The following CMC2 variants were observed in gnomAD, a reference collection of about 807,000 sequenced individuals.
The protein encoded by CMC2 is C-X9-C motif containing 2.
A neutral mutation model predicts 7.5 loss-of-function variants in CMC2; 5 were observed. That is an observed-to-expected ratio of 0.66 (90% CI 0.35 to 1.40). The LOEUF is 1.40. Ranked by LOEUF, CMC2 falls within the 40% of genes most tolerant of loss-of-function variation. CMC2 has a pLI of 0.04. For missense variants in CMC2, 115 were observed against 92.3 expected, an observed-to-expected ratio of 1.25 and a Z score of -1.01; for synonymous variants, 37 against 31.4, an observed-to-expected ratio of 1.18 and a Z score of -0.60.
intron 2 of CMC2, among the ~76,000 whole-genome samples, chr16:80,990,918 T>C (rs915351918): frequency 2.0e-5 from 3 of 151,866 alleles, no homozygotes; most frequent in Admixed American, 6.6e-5. Flanking sequence ...TAGAAACAGG[T>C]GTCTCACTAT....
Position 80,971,656 on chromosome 16 carries a change from G to C in CMC2, c.*4437C>G, listed in dbSNP as rs1911937797. The C allele has an allele frequency of 6.7e-6, 1 of 149,162 alleles. No individual in the cohort carries two copies. Among genetic ancestry groups the C allele is most frequent in the African/African-American group, 2.5e-5 (1 of 39,816 alleles). 9.2% of individuals were successfully genotyped at this position (149,162 alleles called of 1,614,324 possible). A position where few individuals can be genotyped will look rare whatever the true frequency, so the allele number is the denominator to read the frequency against. ...AATGAAATATATCAAAGTCAGGGTA[G>C]TAGTTACCACCAATAAAGAAATAAG... On this transcript the variant is annotated 3_prime_UTR_variant, in exon 4 of 4. Coordinates refer to ENST00000219400, the MANE Select transcript of CMC2 (RefSeq NM_020188.5).
intron 2 of CMC2, among the ~76,000 whole-genome samples, chr16:80,985,353 A>G (rs893528959): frequency 3.3e-5 from 5 of 152,372 alleles, no homozygotes; most frequent in African/African-American, 1.2e-4. Context: ...GATTGAATGT[A>G]GAGGCAGACA....
At chr16:80,997,561 C>G (rs1275775526) in intron 1 of CMC2, 132 bp from the exon 2 acceptor site, 2 of 510,188 alleles carry the variant, frequency 3.9e-6, no homozygotes, top group African/African-American at 3.9e-5. Context: ...TGACCTCAGG[C>G]AAATTATTAA....
chr16:80,978,942 G>A (rs1015958251), intron 3 of CMC2, among the ~76,000 whole-genome samples: 3 of 152,064 alleles, frequency 2.0e-5, no homozygotes, highest in African/African-American at 4.8e-5. Context: ...TTAGCTGGGC[G>A]TGGTGGTGGG....
At chr16:81,001,923 A>G (rs958431108) in intron 1 of CMC2, among the ~76,000 whole-genome samples, 3 of 152,172 alleles carry the variant, frequency 2.0e-5, no homozygotes, top group African/African-American at 7.2e-5. Flanking sequence ...ATTTGAAACG[A>G]AAAAAGAAAA....
rs949127101 is a variant in CMC2 at position 80,972,310 on chromosome 16, A to G, written c.*3783T>C. On this transcript the variant is annotated 3_prime_UTR_variant, in exon 4 of 4. Transcript: ENST00000219400. The stretch of plus-strand genomic sequence containing the variant: ...CACAAATTTCAATATCAGGGTTTCA[A>G]TATCAGGGTGTAGTGAAAGGAGCAA... 2.2e-4 allele frequency: 34 copies of G among 152,310 alleles called. No individual in the cohort carries two copies. Among genetic ancestry groups the G allele is most frequent in the African/African-American group, 7.5e-4 (31 of 41,552 alleles). 9.4% of individuals were successfully genotyped at this position (152,310 alleles called of 1,614,324 possible).
Position 80,975,934 on chromosome 16 carries a change from C to T in CMC2, c.*159G>A. 5.0e-6 allele frequency: 3 copies of T among 599,508 alleles called. No individual in the cohort carries two copies. The highest frequency in any genetic ancestry group is 2.9e-5 in the East Asian group (1 of 34,570). 37.1% of individuals were successfully genotyped at this position (599,508 alleles called of 1,614,324 possible). On this transcript the variant is annotated 3_prime_UTR_variant, in exon 4 of 4. Coordinates refer to ENST00000219400, the MANE Select transcript of CMC2 (RefSeq NM_020188.5). Reference sequence around the variant, plus strand: ...TACTAAACGCCCTGCCCAACAAATACTCAGAATCCAGGGTTTTCATATTTC... The same window carrying T: ...TACTAAACGCCCTGCCCAACAAATATTCAGAATCCAGGGTTTTCATATTTC...
chr16:81,003,894 G>T (rs1020085319), intron 1 of CMC2, among the ~76,000 whole-genome samples: 1 of 152,160 alleles, frequency 6.6e-6, no homozygotes, highest in Non-Finnish European at 1.5e-5. Flanking sequence ...ATTTGCTCTT[G>T]ACCTATATAT....
At chr16:80,977,975 G>C (rs1912629490) in intron 3 of CMC2, among the ~76,000 whole-genome samples, 1 of 151,420 alleles carries the variant, frequency 6.6e-6, no homozygotes, top group Non-Finnish European at 1.5e-5. Context: ...AGGAGGCTGA[G>C]GCAGGAGAAT....
intron 1 of CMC2, among the ~76,000 whole-genome samples, chr16:81,001,570 G>A (rs1010065291): frequency 6.6e-6 from 1 of 152,022 alleles, no homozygotes; most frequent in African/African-American, 2.4e-5. Context: ...CATTATTAAT[G>A]TATCTGATAC....
At chr16:81,002,299 G>A (rs912181048) in intron 1 of CMC2, among the ~76,000 whole-genome samples, 12 of 152,020 alleles carry the variant, frequency 7.9e-5, no homozygotes, top group South Asian at 2.1e-4. Context: ...GTTGGTGGGC[G>A]CCTGTAATCC....
At chr16:80,977,130 A>G (rs1225063509) in intron 3 of CMC2, among the ~76,000 whole-genome samples, 2 of 152,186 alleles carry the variant, frequency 1.3e-5, no homozygotes, top group Admixed American at 1.3e-4. Flanking sequence ...ACATAGCTCA[A>G]CTTCCCAAGG....
chr16:80,976,447 G>A (rs1169183819), intron 3 of CMC2, among the ~76,000 whole-genome samples: 1 of 152,160 alleles, frequency 6.6e-6, no homozygotes, highest in African/African-American at 2.4e-5. Context: ...ATGCACAAAT[G>A]TTTGCTCAAT....
At position 80,981,945 on chromosome 16, in the gene CMC2, T is replaced by G; in HGVS notation, c.82-68A>C. 3 of 902,892 alleles carry G rather than the reference T, an allele frequency of 3.3e-6. No individual in the cohort carries two copies. In the Admixed American group the frequency reaches 6.3e-5, roughly 19 times the overall value. The allele number at this position is 902,892 out of a possible 1,614,324, so 55.9% of individuals were successfully genotyped here. On this transcript the variant is annotated intron_variant, in intron 2 of 3. Coordinates refer to ENST00000219400, the MANE Select transcript of CMC2 (RefSeq NM_020188.5). ...GCCAAGGTTTGGGGCACATAAAATT[T>G]AAATACTGCCACAGACATGAGTTTA...
At position 80,968,761 on chromosome 16, in the gene CMC2, T is replaced by C. The variant is rs1471044880; in HGVS notation, c.*7332A>G. ...TGAGCTCACAAGAAAGGAAAGAAAA[T>C]CCTTGGGGGTTGAAATCAGAGAGAA... On this transcript the variant is annotated 3_prime_UTR_variant, in exon 4 of 4. Transcript: ENST00000219400. 2 of 151,728 alleles carry C rather than the reference T, an allele frequency of 1.3e-5. No individual in the cohort carries two copies. The highest frequency in any genetic ancestry group is 4.8e-5 in the African/African-American group (2 of 41,276). The allele number at this position is 151,728 out of a possible 1,614,324, so 9.4% of individuals were successfully genotyped here. A position where few individuals can be genotyped will look rare whatever the true frequency, so the allele number is the denominator to read the frequency against.
intron 3 of CMC2, among the ~76,000 whole-genome samples, chr16:80,976,837 G>A (rs932025213): frequency 6.6e-6 from 1 of 151,956 alleles, no homozygotes; most frequent in African/African-American, 2.4e-5. Flanking sequence ...TACCTTTTGC[G>A]CTGAACATTG....
At chr16:80,980,752 A>C in intron 3 of CMC2, 2 of 674,338 alleles carry the variant, frequency 3.0e-6, no homozygotes, top group Non-Finnish European at 5.3e-6. Context: ...AACCTTAACC[A>C]GGCATGGTGG....
intron 2 of CMC2, among the ~76,000 whole-genome samples, chr16:80,990,264 A>C (rs182487663): frequency 6.6e-6 from 1 of 152,226 alleles, no homozygotes; most frequent in African/African-American, 2.4e-5. Context: ...TCTGTCTCCC[A>C]GGTTCAAGTG....
Position 80,970,732 on chromosome 16 carries a change from G to T in CMC2, c.*5361C>A, listed in dbSNP as rs1015656178. 11 of 152,320 alleles carry T rather than the reference G, an allele frequency of 7.2e-5. No homozygotes were observed. The highest frequency in any genetic ancestry group is 3.9e-4 in the East Asian group (2 of 5,184). 9.4% of individuals were successfully genotyped at this position (152,320 alleles called of 1,614,324 possible). On this transcript the variant is annotated 3_prime_UTR_variant, in exon 4 of 4. Coordinates refer to ENST00000219400, the MANE Select transcript of CMC2 (RefSeq NM_020188.5). ...AGAAAGTTTGGCAAGCCTTCTGAATGTAAGATAAATATACAGAAGTCAATT... is the reference window on the plus strand; with the variant it reads ...AGAAAGTTTGGCAAGCCTTCTGAATTTAAGATAAATATACAGAAGTCAATT...
Sources: allele counts gnomAD v4.1 joint callset (sites outside exome capture counted in the v4.1 genomes callset), GRCh38; gene constraint gnomAD v4.1.1; transcripts MANE v1.5; gene names NCBI Gene and HGNC (gene_info 2026-07-23, HGNC 2026-07-21).